Variants in LRR1 observed in about 807,000 individuals in gnomAD.
LRR1 encodes leucine-rich repeat protein 1.
LRR1 carries 29 observed loss-of-function variants against 31.6 expected under a neutral mutation model. That is an observed-to-expected ratio of 0.92 (90% CI 0.68 to 1.25). LRR1 has a LOEUF of 1.25. Ranked by LOEUF, LRR1 falls within the 50% of genes most tolerant of loss-of-function variation. The probability of loss-of-function intolerance (pLI) is 0.00; values close to 1 mark genes in which losing one functional copy is unlikely to be tolerated. For missense variants in LRR1, 485 were observed against 487.2 expected (o/e 1.00, Z 0.04); for synonymous variants, 179 against 181.4 (o/e 0.99, Z 0.10).
chr14:49,599,690 G>T (rs938560336), intron 1 of LRR1, among the ~76,000 whole-genome samples: 3 of 150,836 alleles, frequency 2.0e-5, no homozygotes, highest in African/African-American at 7.3e-5. Context: ...ATGATCCGGC[G>T]GATCCTCCTG....
intron 2 of LRR1, chr14:49,603,649 T>A: frequency 9.6e-7 from 1 of 1,044,494 alleles, no homozygotes; most frequent in African/African-American, 1.7e-5. Context: ...CGAATTTTTG[T>A]CTACTGTGCC....
chr14:49,599,055 G>A lies in LRR1; in HGVS notation c.35G>A (p.Arg12Gln), dbSNP rs1422679704. Residue 12 changes from arginine (R) to glutamine (Q), a missense_variant, in exon 1 of 4, where the codon CGG (arginine) becomes CAG (glutamine). Physicochemically the swap from Arg to Gln is conservative, Grantham distance 43. Transcript: ENST00000298288. ...CACTGTGAGGTGGAGGTGATCAGCC[G>A]GCACTTGCCCGCCTTGGGGCTTAGG... The part of the protein sequence containing the change: ...KLHCEVEVIS[R>Q]HLPALGLRNR... The A allele has an allele frequency of 1.2e-6, 2 of 1,609,612 alleles. No individual in the cohort carries two copies. Among genetic ancestry groups the A allele is most frequent in the East Asian group, 2.2e-5 (1 of 44,804 alleles).
At chr14:49,601,494 T>A in intron 1 of LRR1, 1 of 629,544 alleles carries the variant, frequency 1.6e-6, no homozygotes, top group Non-Finnish European at 2.6e-6. Flanking sequence ...TAGATGATAA[T>A]CATTAAATTT....
At chr14:49,605,415 A>G (rs1882242903) in intron 2 of LRR1, among the ~76,000 whole-genome samples, 2 of 152,206 alleles carry the variant, frequency 1.3e-5, no homozygotes, top group African/African-American at 4.8e-5. Flanking sequence ...AAATTTCTAG[A>G]AAGACAAGGC....
intron 1 of LRR1, chr14:49,599,888 AGCGGCG>A (rs948684191): frequency 3.7e-5 from 24 of 656,616 alleles, no homozygotes; most frequent in African/African-American, 2.9e-4. Flanking sequence ...CGCGGCGTGG[AGCGGCG>A]GCGACGGCGG....
In LRR1 at chr14:49,602,801, G is replaced by C. The variant is rs188874619; in HGVS notation, c.282+333G>C. ...AGCATGAGCCACCATACTTGGCCTGGCGTGTATTTGCTTGCTTGCTTGCTT... is the reference window on the plus strand; with the variant it reads ...AGCATGAGCCACCATACTTGGCCTGCCGTGTATTTGCTTGCTTGCTTGCTT... On this transcript the variant is annotated intron_variant, in intron 2 of 3. Coordinates refer to ENST00000298288, the MANE Select transcript of LRR1 (RefSeq NM_152329.4). Among the ~76,000 whole-genome samples the C allele has an allele frequency of 5.9e-5, 9 of 152,038 alleles. No homozygotes were observed. In the East Asian group the frequency reaches 1.2e-3, roughly 20 times the overall value.
chr14:49,607,526 A>C lies in LRR1; in HGVS notation c.409A>C (p.Lys137Gln). The C allele has an allele frequency of 6.2e-7, 1 of 1,614,184 alleles. No homozygotes were observed. The highest frequency in any genetic ancestry group is 8.5e-7 in the Non-Finnish European group (1 of 1,180,018). ...KTSEFENFKT[K>Q]MVITSKKDYP... ...TTCAGAATTTGAAAACTTTAAAACT[A>C]AAATGGTTATCACATCCAAAAAAGA... The change falls in exon 3 of 4, where the codon AAA (lysine) becomes CAA (glutamine). Residue 137 changes from lysine to glutamine, a missense_variant. Lys to Gln is a moderately conservative substitution (Grantham distance 53, BLOSUM62 1). This residue lies in a region of LRR1 where 260 missense variants were observed against 249.6 expected (regional missense o/e 1.04). Coordinates refer to ENST00000298288, the MANE Select transcript of LRR1 (RefSeq NM_152329.4).
chr14:49,599,198 T>A lies in LRR1; in HGVS notation c.178T>A (p.Tyr60Asn). 6.2e-7 allele frequency: 1 copy of A among 1,604,776 alleles called. No individual in the cohort carries two copies. Among genetic ancestry groups the A allele is most frequent in the Admixed American group, 1.7e-5 (1 of 58,486 alleles). ...STLKDKRGTR[Y>N]ELRENIEQFF... is the part of the protein sequence containing the mutation. ...CCTGAAGGACAAGCGCGGGACCCGC[T>A]ATGAGGTGCGTGAAGTGGGCAGGCC... Residue 60 changes from tyrosine to asparagine, a missense_variant, in exon 1 of 4, where the codon TAT (tyrosine) becomes AAT (asparagine). Tyr to Asn is a moderately radical substitution (Grantham distance 143, BLOSUM62 -2). Coordinates refer to ENST00000298288, the MANE Select transcript of LRR1 (RefSeq NM_152329.4).
rs1566496403 is a variant in LRR1 at position 49,609,231 on chromosome 14, T to TTTTTTTTTTC, written c.1004+1119_1004+1120insCTTTTTTTTT. ...CACACCTGGCCCTTTTTTTTTTTTT[T>TTTTTTTTTTC]TTTTTTTTTTTTGAGACAGGGTCTC... On this transcript the variant is annotated intron_variant, in intron 3 of 3. Coordinates refer to ENST00000298288, the MANE Select transcript of LRR1 (RefSeq NM_152329.4). Among the ~76,000 whole-genome samples, 20 of 106,724 alleles carry TTTTTTTTTTC rather than the reference T, an allele frequency of 1.9e-4. 1 individual carries two copies. The highest frequency in any genetic ancestry group is 7.3e-4 in the African/African-American group (20 of 27,422). The allele number at this position is 106,724 out of a possible 152,430, so 70.0% of individuals were successfully genotyped here. A position where few individuals can be genotyped will look rare whatever the true frequency, so the allele number is the denominator to read the frequency against.
Position 49,607,971 on chromosome 14 carries a change from C to T in LRR1, c.854C>T (p.Pro285Leu), listed in dbSNP as rs1882350607. Residue 285 changes from proline (P) to leucine (L), a missense_variant, in exon 3 of 4, where the codon CCA becomes CTA. Around this residue, in one of 3 missense-constraint regions of LRR1, gnomAD observed 210 missense variants for 200.4 expected, o/e 1.05. Transcript: ENST00000298288. ...TTGTCAGCAGCTCGAAATAAGCTTC[C>T]ATTTTTGCCTAGTGAATTTAGAAAT... ...RFLSAARNKL[P>L]FLPSEFRNLS... The T allele has an allele frequency of 6.2e-7, 1 of 1,613,960 alleles. No individual in the cohort carries two copies. The highest frequency in any genetic ancestry group is 1.7e-5 in the Admixed American group (1 of 59,978).
At chr14:49,604,711 T>G (rs1882217654) in intron 2 of LRR1, among the ~76,000 whole-genome samples, 1 of 152,000 alleles carries the variant, frequency 6.6e-6, no homozygotes, top group East Asian at 1.9e-4. Context: ...GTTCAGGGCT[T>G]CGGTGAACTA....
In LRR1 at chr14:49,599,177, A is replaced by C. The variant is rs1881935918; in HGVS notation, c.157A>C (p.Lys53Gln). 1 of 1,608,604 alleles carries C rather than the reference A, an allele frequency of 6.2e-7. No individual in the cohort carries two copies. Among genetic ancestry groups the C allele is most frequent in the African/African-American group, 1.3e-5 (1 of 74,970 alleles). ...AGCCTTCCTGCTCATCTCCACCCTG[A>C]AGGACAAGCGCGGGACCCGCTATGA... is the stretch of plus-strand genomic sequence containing the variant. ...VRAFLLISTL[K>Q]DKRGTRYELR... The change falls in exon 1 of 4, where the codon AAG becomes CAG. Residue 53 changes from lysine to glutamine, a missense_variant. Lys to Gln is a moderately conservative substitution (Grantham distance 53, BLOSUM62 1). This residue lies in a region of LRR1 where 260 missense variants were observed against 249.6 expected (regional missense o/e 1.04). Transcript: ENST00000298288.
intron 2 of LRR1, among the ~76,000 whole-genome samples, chr14:49,604,166 C>T (rs961481038): frequency 2.6e-5 from 4 of 151,124 alleles, no homozygotes; most frequent in Non-Finnish European, 4.4e-5. Flanking sequence ...ATTAGCCAGG[C>T]GTGGTTTTCA....
Position 49,606,032 on chromosome 14 carries a change from T to G in LRR1, c.283-1368T>G, listed in dbSNP as rs76121775. 1.3e-3 allele frequency among the ~76,000 whole-genome samples: 181 copies of G among 142,140 alleles called. No individual in the cohort carries two copies. The Middle Eastern group carries it at 0.024, about 19-fold the overall frequency. The allele number at this position is 142,140 out of a possible 152,430, so 93.2% of individuals were successfully genotyped here. A position where few individuals can be genotyped will look rare whatever the true frequency, so the allele number is the denominator to read the frequency against. On this transcript the variant is annotated intron_variant, in intron 2 of 3. Transcript: ENST00000298288. ...CAACAAAAATTAGCTTTTTTTTTTT[T>G]CTTTTTTTTTTTTTTATATGGAGTC...
chr14:49,602,239 A>T, intron 1 of LRR1, 131 bp from the exon 2 acceptor site: 1 of 628,424 alleles, frequency 1.6e-6, no homozygotes, highest in Middle Eastern at 2.7e-4. Context: ...ACTTAAAATG[A>T]AAACACTCAG....
intron 2 of LRR1, among the ~76,000 whole-genome samples, chr14:49,604,181 T>C (rs140813664): frequency 6.7e-6 from 1 of 150,286 alleles, no homozygotes; most frequent in East Asian, 2.0e-4. Context: ...TTTTCACACC[T>C]GTGGTGCCAG....
At chr14:49,601,643 T>C in intron 1 of LRR1, 1 of 1,289,612 alleles carries the variant, frequency 7.8e-7, no homozygotes, top group Non-Finnish European at 1.0e-6. Context: ...GGACTGAAGT[T>C]ATGAAGGCAA....
rs757887089 is a variant in LRR1, at chr14:49,608,008, A to C, written c.891A>C (p.Glu297Asp). The stretch of plus-strand genomic sequence containing the variant: ...GTGAATTTAGAAATTTATCCCTTGA[A>C]TACTTGGATCTTTTTGGAAATACTT... ...LPSEFRNLSL[E>D]YLDLFGNTFE... is the part of the protein sequence containing the mutation. The change falls in exon 3 of 4, where the codon GAA becomes GAC. Residue 297 changes from glutamate (E) to aspartate (D), a missense_variant. Physicochemically the swap from Glu to Asp is conservative, Grantham distance 45. Coordinates refer to ENST00000298288, the MANE Select transcript of LRR1 (RefSeq NM_152329.4). The C allele has an allele frequency of 6.2e-7, 1 of 1,613,970 alleles. No individual in the cohort carries two copies. Among genetic ancestry groups the C allele is most frequent in the Non-Finnish European group, 8.5e-7 (1 of 1,179,976 alleles).
Position 49,599,131 on chromosome 14 carries a change from C to G in LRR1, c.111C>G (p.Ser37=), listed in dbSNP as rs779515893. The G allele has an allele frequency of 6.2e-7, 1 of 1,608,550 alleles. No homozygotes were observed. The highest frequency in any genetic ancestry group is 8.5e-7 in the Non-Finnish European group (1 of 1,177,980). The stretch of plus-strand genomic sequence containing the variant: ...TGTTGAGCCTCTGTCAGCAGACTTC[C>G]AGGAGTCAGCCGCCGGTCCGAGCCT... ...RAVLSLCQQT[S]RSQPPVRAFL... is the part of the protein sequence containing the mutation. Residue 37 remains serine (S), a synonymous_variant, in exon 1 of 4, where the codon TCC becomes TCG. Transcript: ENST00000298288.
Sources: gnomAD v4.1 joint callset for allele counts (sites outside exome capture counted in the v4.1 genomes callset) on GRCh38, gnomAD v4.1.1 for gene constraint, gnomAD v4.1.1 regional missense constraint, MANE v1.5 for transcripts, NCBI Gene and HGNC (gene_info 2026-07-23, HGNC 2026-07-21) for gene names.